The following PPFIA2 variants were observed in gnomAD, a reference collection of about 807,000 sequenced individuals.
PPFIA2 encodes the protein PPFI scaffold protein A2, also known as liprin-alpha-2.
PPFIA2 carries 46 observed loss-of-function variants against 175.5 expected under a neutral mutation model. The ratio of observed to expected loss-of-function variants is 0.26; its 90% confidence interval spans 0.21 to 0.34. PPFIA2 has a LOEUF of 0.34. Among genes scored for constraint, PPFIA2 ranks in the 10% least tolerant of loss-of-function variants. PPFIA2 has a pLI of 1.00. For missense variants in PPFIA2, 1,179 were observed against 1,506.1 expected (o/e 0.78, Z 3.60); for synonymous variants, 568 against 511.4 (o/e 1.11, Z -1.49).
intron 4 of PPFIA2, among the ~76,000 whole-genome samples, chr12:81,591,937 A>C (rs1595380521): frequency 6.6e-6 from 1 of 152,036 alleles, no homozygotes; most frequent in Admixed American, 6.6e-5. Context: ...GACACCTTGC[A>C]CTGTACACCT....
chr12:81,571,312 A>G (rs2072498648), intron 4 of PPFIA2, among the ~76,000 whole-genome samples: 2 of 152,136 alleles, frequency 1.3e-5, no homozygotes, highest in South Asian at 4.1e-4. Context: ...TGGAAGGAAG[A>G]AGGAAAAAAT....
intron 3 of PPFIA2, among the ~76,000 whole-genome samples, chr12:81,747,756 A>C (rs1335695171): frequency 6.9e-6 from 1 of 144,182 alleles, no homozygotes; most frequent in Non-Finnish European, 1.6e-5. Context: ...GTATGCATTC[A>C]GAATAAAAGG....
chr12:81,408,339 A>G (rs1440257098), intron 7 of PPFIA2, among the ~76,000 whole-genome samples: 1 of 152,206 alleles, frequency 6.6e-6, no homozygotes, highest in African/African-American at 2.4e-5. Flanking sequence ...TTCCACTAAG[A>G]AAACATCTAT....
At chr12:81,369,050 A>G (rs2034370616) in intron 12 of PPFIA2, 61 bp downstream of exon 12, 6 of 1,394,450 alleles carry the variant, frequency 4.3e-6, no homozygotes. Flanking sequence ...CTTTCTTCTT[A>G]TATACAGAAT....
At chr12:81,650,467 G>A (rs2066871563) in intron 4 of PPFIA2, among the ~76,000 whole-genome samples, 1 of 151,858 alleles carries the variant, frequency 6.6e-6, no homozygotes, top group Non-Finnish European at 1.5e-5. Context: ...TTTTTCTTAA[G>A]GCTTTCAAAT....
intron 4 of PPFIA2, among the ~76,000 whole-genome samples, chr12:81,510,700 GGAA>G (rs908026152): frequency 2.0e-5 from 3 of 152,092 alleles, no homozygotes; most frequent in East Asian, 1.9e-4. Flanking sequence ...ATTTGTGGGT[GGAA>G]GAAGAATTCT....
At chr12:81,489,411 T>C (rs1003776163) in intron 4 of PPFIA2, among the ~76,000 whole-genome samples, 4 of 151,840 alleles carry the variant, frequency 2.6e-5, no homozygotes, top group Non-Finnish European at 5.9e-5. Flanking sequence ...CTTTCTTTAT[T>C]TGAATGTTTG....
intron 12 of PPFIA2, 29 bp downstream of exon 12, chr12:81,369,082 T>TG (rs1410361753): frequency 2.0e-6 from 3 of 1,518,160 alleles, no homozygotes; most frequent in African/African-American, 1.4e-5. Flanking sequence ...AACCAATGAT[T>TG]GGGGGGTAAT....
At chr12:81,480,115 C>A (rs573349719) in intron 4 of PPFIA2, among the ~76,000 whole-genome samples, 3 of 152,146 alleles carry the variant, frequency 2.0e-5, no homozygotes, top group African/African-American at 7.2e-5. Context: ...GCTTTTCTTT[C>A]TTTTTTTCTC....
rs541079402 is a variant in PPFIA2 at position 81,709,593 on chromosome 12, T to A, written c.250-32749A>T. Among the ~76,000 whole-genome samples the A allele has an allele frequency of 2.6e-5, 4 of 152,046 alleles. No homozygotes were observed. In the South Asian group the frequency reaches 6.2e-4, roughly 24 times the overall value. ...CATATATATTTTACAAAGTTAATTT[T>A]TTTGCTATTTGCTAGCAAGGTTTTT... On this transcript the variant is annotated intron_variant, in intron 3 of 32. Coordinates refer to ENST00000549396, the MANE Select transcript of PPFIA2 (RefSeq NM_003625.5).
At chr12:81,472,255 A>T (rs926319164) in intron 4 of PPFIA2, among the ~76,000 whole-genome samples, 3 of 152,174 alleles carry the variant, frequency 2.0e-5, no homozygotes, top group Non-Finnish European at 2.9e-5. Flanking sequence ...CTTCTGGGGT[A>T]ACAAAAATAT....
At chr12:81,281,659 C>T (rs1420064570) in intron 26 of PPFIA2, among the ~76,000 whole-genome samples, 4 of 152,014 alleles carry the variant, frequency 2.6e-5, no homozygotes, top group South Asian at 4.1e-4. Flanking sequence ...AAATGATTGG[C>T]TATTTACTTT....
chr12:81,604,294 A>G (rs1025672862), intron 4 of PPFIA2, among the ~76,000 whole-genome samples: 1 of 151,754 alleles, frequency 6.6e-6, no homozygotes, highest in Non-Finnish European at 1.5e-5. Flanking sequence ...ATTTCAGGAC[A>G]TAAGAGGTAA....
At chr12:81,437,557 A>T (rs186985784) in intron 7 of PPFIA2, among the ~76,000 whole-genome samples, 2 of 152,134 alleles carry the variant, frequency 1.3e-5, no homozygotes, top group Admixed American at 1.3e-4. Flanking sequence ...ATTTCAGCTT[A>T]CTTTAGCCAA....
chr12:81,722,056 G>GAA (rs202229281), intron 3 of PPFIA2, among the ~76,000 whole-genome samples: 7 of 149,218 alleles, frequency 4.7e-5, no homozygotes, highest in Admixed American at 2.0e-4. Context: ...TAGTGTCCAG[G>GAA]AAAAAAAAAT....
At chr12:81,605,781 G>A (rs1238692200) in intron 4 of PPFIA2, among the ~76,000 whole-genome samples, 2 of 151,422 alleles carry the variant, frequency 1.3e-5, no homozygotes, top group Non-Finnish European at 3.0e-5. Context: ...TTTATATCAT[G>A]AGTTCTACAA....
chr12:81,377,679 C>T (rs2036693167), intron 9 of PPFIA2, among the ~76,000 whole-genome samples: 1 of 152,132 alleles, frequency 6.6e-6, no homozygotes, highest in Admixed American at 6.6e-5. Flanking sequence ...CCTTACTTTT[C>T]CTCCACGCTG....
At chr12:81,588,827 T>G (rs2153439292) in intron 4 of PPFIA2, among the ~76,000 whole-genome samples, 1 of 152,232 alleles carries the variant, frequency 6.6e-6, no homozygotes, top group Non-Finnish European at 1.5e-5. Flanking sequence ...TTTATTGGGC[T>G]CTTTCTAACC....
Position 81,535,358 on chromosome 12 carries a change from G to T in PPFIA2, c.304-77492C>A, listed in dbSNP as rs1169108199. 21 of 453,528 alleles carry T rather than the reference G, an allele frequency of 4.6e-5. No homozygotes were observed. In the Admixed American group the frequency reaches 4.7e-4, roughly 10 times the overall value. 28.1% of individuals were successfully genotyped at this position (453,528 alleles called of 1,614,324 possible). ...TGGGAACTCTTGATTATTGGCAAAG[G>T]CCAGATCTATAGTCACCAGCACTGG... On this transcript the variant is annotated intron_variant, in intron 4 of 32. Coordinates refer to ENST00000549396, the MANE Select transcript of PPFIA2 (RefSeq NM_003625.5).
Sources: gnomAD v4.1 joint callset for allele counts (sites outside exome capture counted in the v4.1 genomes callset) on GRCh38, gnomAD v4.1.1 for gene constraint, MANE v1.5 for transcripts, NCBI Gene and HGNC (gene_info 2026-07-23, HGNC 2026-07-21) for gene names.